Variants in VWA8 observed in about 807,000 individuals in gnomAD.
The protein encoded by VWA8 is von Willebrand factor A domain-containing protein 8.
A neutral mutation model predicts 241.5 loss-of-function variants in VWA8; 221 were observed. That is an observed-to-expected ratio of 0.91 (90% CI 0.82 to 1.02). The LOEUF (loss-of-function observed/expected upper bound fraction) is 1.02. Among genes scored for constraint, VWA8 ranks in the 50% least tolerant of loss-of-function variants. The pLI, the probability that VWA8 is intolerant of heterozygous loss-of-function variation, is 0.00. For synonymous variants in VWA8, 852 were observed against 827.1 expected (o/e 1.03, Z -0.52); for missense variants, 2,322 against 2,328.7 (o/e 1.00, Z 0.06).
In VWA8 at chr13:41,887,182, C is replaced by T; in HGVS notation, c.816+15G>A. 2 of 1,596,150 alleles carry T rather than the reference C, an allele frequency of 1.3e-6. No individual in the cohort carries two copies. Among genetic ancestry groups the T allele is most frequent in the Non-Finnish European group, 1.7e-6 (2 of 1,175,644 alleles). On this transcript the variant is annotated intron_variant, in intron 6 of 44. Coordinates refer to ENST00000379310, the MANE Select transcript of VWA8 (RefSeq NM_015058.2). ...AAAACTGTTTAACAAATAAATTATCCTTGGTCTTACTTACCTTGAAGGGTA... is the reference window on the plus strand; with the variant it reads ...AAAACTGTTTAACAAATAAATTATCTTTGGTCTTACTTACCTTGAAGGGTA...
At chr13:41,649,116 C>T (rs573415556) in intron 37 of VWA8, among the ~76,000 whole-genome samples, 1 of 152,112 alleles carries the variant, frequency 6.6e-6, no homozygotes, top group Non-Finnish European at 1.5e-5. Context: ...ACCCGGGAGG[C>T]GGAGTTGCAG....
intron 14 of VWA8, among the ~76,000 whole-genome samples, 153 bp from the exon 15 acceptor site, chr13:41,819,539 AG>A (rs1370337376): frequency 6.6e-6 from 1 of 152,252 alleles, no homozygotes; most frequent in African/African-American, 2.4e-5. Context: ...AAACAAAGTC[AG>A]GACATTCTAA....
intron 25 of VWA8, among the ~76,000 whole-genome samples, chr13:41,720,355 G>A (rs981015516): frequency 1.3e-5 from 2 of 151,940 alleles, no homozygotes; most frequent in East Asian, 3.9e-4. Context: ...TTGGACTTAC[G>A]GTTTTATAGG....
intron 37 of VWA8, among the ~76,000 whole-genome samples, chr13:41,652,035 T>G (rs1471259099): frequency 1.3e-5 from 2 of 152,230 alleles, no homozygotes; most frequent in African/African-American, 4.8e-5. Flanking sequence ...TGGTCTTCTC[T>G]TGAAAATGGG....
intron 12 of VWA8, among the ~76,000 whole-genome samples, chr13:41,840,554 T>G (rs1036879849): frequency 4.6e-5 from 7 of 151,718 alleles, no homozygotes; most frequent in African/African-American, 1.7e-4. Flanking sequence ...GCTCAGGAGT[T>G]CAAGACCAGC....
chr13:41,739,103 T>C (rs775285669), intron 21 of VWA8, among the ~76,000 whole-genome samples: 6 of 152,156 alleles, frequency 3.9e-5, no homozygotes, highest in Non-Finnish European at 7.4e-5. Flanking sequence ...GCTTTAGAGA[T>C]TGGAGGAGTA....
chr13:41,697,792 T>A (rs1437135299), intron 29 of VWA8, among the ~76,000 whole-genome samples: 1 of 152,028 alleles, frequency 6.6e-6, no homozygotes, highest in African/African-American at 2.4e-5. Context: ...GGCCTGGGAG[T>A]TGGGGACCCC....
At chr13:41,728,742 A>C (rs9562344) in intron 23 of VWA8, among the ~76,000 whole-genome samples, 2,228 of 152,138 alleles carry the variant, frequency 0.015, 41 homozygotes, top group East Asian at 0.061. Context: ...AGAAATGGCA[A>C]TCTTGCAATG....
intron 26 of VWA8, among the ~76,000 whole-genome samples, chr13:41,718,420 T>C (rs1452813777): frequency 2.0e-5 from 3 of 151,918 alleles, no homozygotes; most frequent in Admixed American, 6.6e-5. Context: ...ATCAGTAAAA[T>C]AGCATTGTGC....
rs368042894 is a variant in VWA8, at chr13:41,780,718, A to G, written c.2278-2662T>C. Among the ~76,000 whole-genome samples, 15 of 152,220 alleles carry G rather than the reference A, an allele frequency of 9.9e-5. No homozygotes were observed. The East Asian group carries it at 1.9e-3, about 20-fold the overall frequency. ...TCTTTGTTCAAAATCTTGTCACCTC[A>G]TTTCTCAAAATTCCTTAAATGACTC... On this transcript the variant is annotated intron_variant, in intron 19 of 44. Coordinates refer to ENST00000379310, the MANE Select transcript of VWA8 (RefSeq NM_015058.2).
chr13:41,701,602 CAAAATAT>C, intron 27 of VWA8, 72 bp from the exon 28 acceptor site: 1 of 1,379,128 alleles, frequency 7.3e-7, no homozygotes, highest in Non-Finnish European at 9.6e-7. Context: ...AAAGTTCTTC[CAAAATAT>C]AAACTTTAAC....
chr13:41,672,659 A>G (rs970898802), intron 36 of VWA8, among the ~76,000 whole-genome samples: 2 of 152,254 alleles, frequency 1.3e-5, no homozygotes, highest in Non-Finnish European at 2.9e-5. Context: ...AAGGGCGGCC[A>G]CTCTTGGACA....
chr13:41,579,165 G>T (rs2044367863), intron 42 of VWA8, among the ~76,000 whole-genome samples: 1 of 152,214 alleles, frequency 6.6e-6, no homozygotes, highest in Non-Finnish European at 1.5e-5. Flanking sequence ...CGGCCACATT[G>T]TAAGTAGGTA....
chr13:41,832,807 C>G (rs1420401917), intron 13 of VWA8, among the ~76,000 whole-genome samples: 1 of 152,026 alleles, frequency 6.6e-6, no homozygotes, highest in Non-Finnish European at 1.5e-5. Context: ...GGAAATTTTT[C>G]CCAACTAAAC....
chr13:41,627,509 T>C lies in VWA8; in HGVS notation c.4612-12425A>G, dbSNP rs117731853. Among the ~76,000 whole-genome samples, 372 of 152,096 alleles carry C rather than the reference T, an allele frequency of 2.4e-3. 1 individual carries two copies. Among genetic ancestry groups the C allele is most frequent in the Non-Finnish European group, 3.9e-3 (263 of 67,978 alleles). On this transcript the variant is annotated intron_variant, in intron 37 of 44. Transcript: ENST00000379310. ...GAAGCCTGGCATGCTGGCAAAAGGG[T>C]AAAAAAAGCTTTTTATGGTTTGAAT...
chr13:41,854,453 A>T lies in VWA8; in HGVS notation c.1425+11283T>A, dbSNP rs188081031. ...ATAAGTTTTAAAAATATTTCAAAAT[A>T]TTTTTTATTGTTATATTTATTTATA... On this transcript the variant is annotated intron_variant, in intron 12 of 44. Transcript: ENST00000379310. 6.7e-3 allele frequency among the ~76,000 whole-genome samples: 1,009 copies of T among 149,814 alleles called. 11 individuals carry two copies. Among genetic ancestry groups the T allele is most frequent in the African/African-American group, 0.023 (963 of 41,044 alleles).
At chr13:41,739,827 G>GTT (rs779464048) in intron 21 of VWA8, among the ~76,000 whole-genome samples, 10 of 88,980 alleles carry the variant, frequency 1.1e-4, no homozygotes, top group African/African-American at 2.3e-4. Flanking sequence ...TTGTTTTTTT[G>GTT]TTTTTTTTTT....
rs1878592691 is a variant in VWA8, at chr13:41,961,006, G to A, written c.10C>T (p.Arg4Trp). 1 of 1,379,218 alleles carries A rather than the reference G, an allele frequency of 7.3e-7. No individual in the cohort carries two copies. Among genetic ancestry groups the A allele is most frequent in the Non-Finnish European group, 9.3e-7 (1 of 1,074,612 alleles). The allele number at this position is 1,379,218 out of a possible 1,614,324, so 85.4% of individuals were successfully genotyped here. ...CCGGGTGCCCCGAGGAGTAGAAGCC[G>A]GGATTGCATGGCGCCGGGGGGGCTG... MQS[R>W]LLLLGAPGGH... The change falls in exon 1 of 45, where the codon CGG (arginine) becomes TGG (tryptophan). Residue 4 changes from arginine (R) to tryptophan (W), a missense_variant. Coordinates refer to ENST00000379310, the MANE Select transcript of VWA8 (RefSeq NM_015058.2).
At chr13:41,666,505 C>T (rs9594607) in intron 37 of VWA8, among the ~76,000 whole-genome samples, 49,246 of 151,958 alleles carry the variant, frequency 0.32, 8,872 homozygotes, top group Non-Finnish European at 0.42. Context: ...CATGATAGAG[C>T]TAAACTATAT....
Sources: allele counts gnomAD v4.1 joint callset (sites outside exome capture counted in the v4.1 genomes callset), GRCh38; gene constraint gnomAD v4.1.1; transcripts MANE v1.5; gene names NCBI Gene and HGNC (gene_info 2026-07-23, HGNC 2026-07-21).